INSYN2B: variants seen among roughly 807,000 people sequenced by gnomAD.
INSYN2B encodes protein INSYN2B.
A neutral mutation model predicts 41.2 loss-of-function variants in INSYN2B; 16 were observed. The ratio of observed to expected loss-of-function variants is 0.39; its 90% confidence interval spans 0.26 to 0.59. INSYN2B has a LOEUF of 0.59. Among genes scored for constraint, INSYN2B ranks in the 20% least tolerant of loss-of-function variants. The pLI, the probability that INSYN2B is intolerant of heterozygous loss-of-function variation, is 0.57. For synonymous variants in INSYN2B, 245 were observed against 244.4 expected (o/e 1.00, Z -0.02); for missense variants, 608 against 646.4 (o/e 0.94, Z 0.64).
At chr5:169,874,951 CGCCCTT>C (rs1442917063) in intron 3 of INSYN2B, among the ~76,000 whole-genome samples, 4 of 152,182 alleles carry the variant, frequency 2.6e-5, no homozygotes, top group African/African-American at 9.6e-5. Context: ...TTCCTTCCCT[CGCCCTT>C]GCCTCCATTC....
chr5:169,906,354 AG>A (rs1441139843), intron 1 of INSYN2B, among the ~76,000 whole-genome samples: 1 of 152,228 alleles, frequency 6.6e-6, no homozygotes, highest in African/African-American at 2.4e-5. Flanking sequence ...GCATTCAATA[AG>A]CATTAGCCAG....
Position 169,950,177 on chromosome 5 carries a change from G to GT in INSYN2B, c.-919+30099dup, listed in dbSNP as rs138649321. ...GAGACAGGAGCCATCGTGGAAGGTG[G>GT]TTGGAAGCTTGGTCACTGGAGCCAG... On this transcript the variant is annotated intron_variant, in intron 1 of 3. Transcript: ENST00000377365. 7.5e-3 allele frequency among the ~76,000 whole-genome samples: 1,148 copies of GT among 152,216 alleles called. 16 individuals are homozygous for GT. The highest frequency in any genetic ancestry group is 0.027 in the African/African-American group (1,102 of 41,518).
intron 1 of INSYN2B, among the ~76,000 whole-genome samples, chr5:169,959,032 G>A (rs1447020129): frequency 6.6e-6 from 1 of 152,146 alleles, no homozygotes; most frequent in Non-Finnish European, 1.5e-5. Context: ...CTAGGACTGG[G>A]CAGAAACAAC....
At chr5:169,975,659 A>C (rs888808497) in intron 1 of INSYN2B, among the ~76,000 whole-genome samples, 1 of 152,208 alleles carries the variant, frequency 6.6e-6, no homozygotes, top group Non-Finnish European at 1.5e-5. Context: ...ACTATGATCC[A>C]TCCTATTGAA....
intron 1 of INSYN2B, among the ~76,000 whole-genome samples, chr5:169,976,866 A>AT (rs1777735338): frequency 6.6e-6 from 1 of 152,220 alleles, no homozygotes; most frequent in East Asian, 1.9e-4. Flanking sequence ...CACCCAGCAT[A>AT]TGCAACATCC....
At chr5:169,903,087 A>C (rs1014483499) in intron 1 of INSYN2B, among the ~76,000 whole-genome samples, 1 of 150,444 alleles carries the variant, frequency 6.6e-6, no homozygotes, top group African/African-American at 2.5e-5. Context: ...ACAGAGCAAG[A>C]CTCCATCTCA....
intron 1 of INSYN2B, among the ~76,000 whole-genome samples, chr5:169,973,258 C>T (rs1408820656): frequency 6.6e-6 from 1 of 152,114 alleles, no homozygotes; most frequent in African/African-American, 2.4e-5. Context: ...ACTATAAATC[C>T]TCACCCACAA....
chr5:169,969,213 G>A (rs948419968), intron 1 of INSYN2B, among the ~76,000 whole-genome samples: 1 of 152,116 alleles, frequency 6.6e-6, no homozygotes, highest in Non-Finnish European at 1.5e-5. Flanking sequence ...GGGAGGCTGA[G>A]GCAGATAGAT....
At chr5:169,875,151 C>A in intron 3 of INSYN2B, 1 of 453,082 alleles carries the variant, frequency 2.2e-6, no homozygotes, top group Admixed American at 2.4e-5. Flanking sequence ...TCTAGTAAAT[C>A]AAGTATCTTC....
At chr5:169,903,311 T>TAAAAAA (rs142632030) in intron 1 of INSYN2B, among the ~76,000 whole-genome samples, 1 of 111,084 alleles carries the variant, frequency 9.0e-6, no homozygotes, top group Non-Finnish European at 1.8e-5. Context: ...ACAACAACAA[T>TAAAAAA]AAAAAAAAAA....
At chr5:169,927,279 T>G (rs1184114235) in intron 1 of INSYN2B, among the ~76,000 whole-genome samples, 1 of 152,166 alleles carries the variant, frequency 6.6e-6, no homozygotes, top group African/African-American at 2.4e-5. Context: ...CTCTAGAGCC[T>G]TGTAGGCCAC....
chr5:169,936,850 C>T (rs1272417811), intron 1 of INSYN2B, among the ~76,000 whole-genome samples: 1 of 152,256 alleles, frequency 6.6e-6, no homozygotes, highest in Non-Finnish European at 1.5e-5. Context: ...ACAATTTTGT[C>T]TCTTGTGATA....
intron 1 of INSYN2B, among the ~76,000 whole-genome samples, chr5:169,966,003 C>A (rs1453858523): frequency 1.3e-5 from 2 of 152,222 alleles, no homozygotes; most frequent in East Asian, 3.9e-4. Flanking sequence ...CTAGGTTTCC[C>A]TAGGATGAAC....
At chr5:169,886,068 G>T (rs1305389172) in intron 1 of INSYN2B, among the ~76,000 whole-genome samples, 1 of 152,018 alleles carries the variant, frequency 6.6e-6, no homozygotes, top group Non-Finnish European at 1.5e-5. Context: ...TAAGAACAAG[G>T]GTAAAAGACC....
At chr5:169,960,997 C>T (rs1020118136) in intron 1 of INSYN2B, among the ~76,000 whole-genome samples, 4 of 152,160 alleles carry the variant, frequency 2.6e-5, no homozygotes, top group African/African-American at 9.7e-5. Flanking sequence ...TCCATGGAGT[C>T]TTGGAACATA....
intron 1 of INSYN2B, among the ~76,000 whole-genome samples, chr5:169,902,700 T>A (rs1773996994): frequency 6.6e-6 from 1 of 152,174 alleles, no homozygotes; most frequent in African/African-American, 2.4e-5. Context: ...TTTCCTCAAA[T>A]CCTTCTGAGC....
intron 1 of INSYN2B, among the ~76,000 whole-genome samples, chr5:169,939,236 T>C (rs1776132284): frequency 1.3e-5 from 2 of 150,944 alleles, no homozygotes; most frequent in South Asian, 4.5e-4. Context: ...TAAGCTCTTT[T>C]GTTAAAAACT....
chr5:169,905,943 G>A (rs1774251417), intron 1 of INSYN2B, among the ~76,000 whole-genome samples: 1 of 152,214 alleles, frequency 6.6e-6, no homozygotes, highest in Non-Finnish European at 1.5e-5. Flanking sequence ...TATCTAAAAT[G>A]TCTGTTGCCT....
intron 1 of INSYN2B, among the ~76,000 whole-genome samples, chr5:169,977,816 A>C (rs569698350): frequency 3.0e-4 from 45 of 152,302 alleles, no homozygotes; most frequent in African/African-American, 1.0e-3. Context: ...TAAAGCTCTA[A>C]AATGAATAGG....
Sources: gnomAD v4.1 joint callset for allele counts (sites outside exome capture counted in the v4.1 genomes callset) on GRCh38, gnomAD v4.1.1 for gene constraint, MANE v1.5 for transcripts, NCBI Gene and HGNC (gene_info 2026-07-23, HGNC 2026-07-21) for gene names.